Variants in NBAS observed in about 807,000 individuals in gnomAD.
The protein encoded by NBAS is NAG/BC035112 fusion.
NBAS carries 219 observed loss-of-function variants against 302.5 expected under a neutral mutation model. The observed-to-expected ratio is 0.72, with a 90% CI of 0.65 to 0.81. The LOEUF is 0.81. Among genes scored for constraint, NBAS ranks in the 30% least tolerant of loss-of-function variants. NBAS has a pLI of 0.00. For synonymous variants in NBAS, 1,118 were observed against 1,021.6 expected (o/e 1.09, Z -1.80); for missense variants, 2,932 against 2,841.6 (o/e 1.03, Z -0.72).
the NBAS span, among the ~76,000 whole-genome samples, chr2:15,133,074 G>A: frequency 1.3e-5 from 2 of 152,286 alleles, no homozygotes; most frequent in African/African-American, 4.8e-5. Flanking sequence ...TTAAAATTGA[G>A]ATCTATTTAA....
intron 1 of NBAS, among the ~76,000 whole-genome samples, chr2:15,559,695 G>C (rs1186966243): frequency 6.6e-6 from 1 of 152,124 alleles, no homozygotes; most frequent in East Asian, 1.9e-4. Flanking sequence ...TGCAGAAATC[G>C]ATAGAATGCA....
the NBAS span, among the ~76,000 whole-genome samples, chr2:14,802,705 A>G: frequency 6.7e-6 from 1 of 149,426 alleles, no homozygotes; most frequent in Non-Finnish European, 1.5e-5. Context: ...AATACTATGC[A>G]GCCATAAAAA....
At chr2:14,811,720 G>C in the NBAS span, among the ~76,000 whole-genome samples, 361 of 152,272 alleles carry the variant, frequency 2.4e-3, no homozygotes, top group African/African-American at 7.9e-3. Context: ...AAGTAAGGTG[G>C]CTGTTGCAGT....
chr2:15,507,547 T>C (rs76511523), intron 10 of NBAS, among the ~76,000 whole-genome samples: 1,850 of 152,284 alleles, frequency 0.012, 36 homozygotes, highest in South Asian at 0.023. Context: ...CAAATGCCTT[T>C]ACATATATTA....
At chr2:15,468,597 T>C (rs1572894931) in intron 16 of NBAS, 64 bp from the exon 17 acceptor site, 1 of 1,559,952 alleles carries the variant, frequency 6.4e-7, no homozygotes, top group African/African-American at 1.4e-5. Flanking sequence ...ACATTACAAC[T>C]GCCTTCAGAA....
At chr2:15,177,461 A>G (rs1664601295) in intron 51 of NBAS, among the ~76,000 whole-genome samples, 1 of 152,170 alleles carries the variant, frequency 6.6e-6, no homozygotes, top group Non-Finnish European at 1.5e-5. Flanking sequence ...GAGATAAAGA[A>G]TCTTTAAAAT....
intron 32 of NBAS, among the ~76,000 whole-genome samples, chr2:15,361,997 C>A (rs1280190760): frequency 6.6e-6 from 1 of 151,094 alleles, no homozygotes; most frequent in Non-Finnish European, 1.5e-5. Flanking sequence ...AAAAAAAATT[C>A]CAGGAAAAAA....
At chr2:14,844,842 G>C in the NBAS span, among the ~76,000 whole-genome samples, 1 of 151,876 alleles carries the variant, frequency 6.6e-6, no homozygotes, top group Non-Finnish European at 1.5e-5. Context: ...GGGGAGAGTG[G>C]GAAAGACCCC....
chr2:14,880,104 AC>A, the NBAS span, among the ~76,000 whole-genome samples: 2 of 152,048 alleles, frequency 1.3e-5, no homozygotes, highest in Admixed American at 6.6e-5. Context: ...GAATTAGAAG[AC>A]CCTGTTGAAC....
At chr2:15,241,495 A>G (rs938486414) in intron 44 of NBAS, among the ~76,000 whole-genome samples, 1 of 152,212 alleles carries the variant, frequency 6.6e-6, no homozygotes, top group African/African-American at 2.4e-5. Context: ...AGGAAGAACA[A>G]TACATTCAGA....
At chr2:15,488,163 G>C (rs1036174904) in intron 12 of NBAS, among the ~76,000 whole-genome samples, 9 of 152,158 alleles carry the variant, frequency 5.9e-5, no homozygotes, top group Non-Finnish European at 1.2e-4. Context: ...GAAAAACAGA[G>C]TGAGGGGGTG....
chr2:14,979,444 C>T, the NBAS span, among the ~76,000 whole-genome samples: 1 of 152,102 alleles, frequency 6.6e-6, no homozygotes, highest in Admixed American at 6.6e-5. Context: ...ACTACAAGAC[C>T]ACTTTCAACC....
intron 44 of NBAS, among the ~76,000 whole-genome samples, chr2:15,260,536 G>A (rs1668801973): frequency 6.6e-6 from 1 of 152,190 alleles, no homozygotes; most frequent in African/African-American, 2.4e-5. Context: ...GGTGAATGGA[G>A]GTGGGTCCTG....
chr2:14,794,293 A>T, the NBAS span, among the ~76,000 whole-genome samples: 1 of 152,178 alleles, frequency 6.6e-6, no homozygotes, highest in African/African-American at 2.4e-5. Context: ...AAAATGATTG[A>T]GATTTAGCTC....
chr2:15,001,709 G>A, the NBAS span, among the ~76,000 whole-genome samples: 1 of 152,084 alleles, frequency 6.6e-6, no homozygotes, highest in Non-Finnish European at 1.5e-5. Flanking sequence ...CAGCTCTTAA[G>A]GTGGCGCGTC....
At chr2:15,252,292 A>C (rs902549548) in intron 44 of NBAS, among the ~76,000 whole-genome samples, 4 of 152,084 alleles carry the variant, frequency 2.6e-5, no homozygotes, top group Non-Finnish European at 4.4e-5. Flanking sequence ...TGAGGTTGGG[A>C]GCTCGAGACC....
At chr2:14,962,814 T>G in the NBAS span, among the ~76,000 whole-genome samples, 2 of 152,054 alleles carry the variant, frequency 1.3e-5, no homozygotes, top group African/African-American at 4.8e-5. Context: ...ACACTGAAAT[T>G]TTTAGATTTC....
intron 44 of NBAS, among the ~76,000 whole-genome samples, chr2:15,255,415 G>A (rs1024042902): frequency 6.6e-6 from 1 of 151,978 alleles, no homozygotes; most frequent in Non-Finnish European, 1.5e-5. Flanking sequence ...GGGATTGTTT[G>A]CTTGCTTCTT....
chr2:15,092,812 T>C, the NBAS span, among the ~76,000 whole-genome samples: 1 of 152,232 alleles, frequency 6.6e-6, no homozygotes, highest in South Asian at 2.1e-4. Flanking sequence ...TATGACATGA[T>C]TATTGCTTAA....
Sources: gnomAD v4.1 joint callset for allele counts (sites outside exome capture counted in the v4.1 genomes callset) on GRCh38, gnomAD v4.1.1 for gene constraint, MANE v1.5 for transcripts, NCBI Gene and HGNC (gene_info 2026-07-23, HGNC 2026-07-21) for gene names.